CACNA1B: variants seen among roughly 807,000 people sequenced by gnomAD.
CACNA1B encodes the protein voltage-dependent N-type calcium channel subunit alpha-1B.
A neutral mutation model predicts 247.2 loss-of-function variants in CACNA1B; 70 were observed. The ratio of observed to expected loss-of-function variants is 0.28; its 90% CI spans 0.23 to 0.35. The LOEUF is 0.35. Among genes scored for constraint, CACNA1B ranks in the 10% least tolerant of loss-of-function variants. The pLI is 1.00. For synonymous variants in CACNA1B, 1,231 were observed against 1,294.4 expected, an observed-to-expected ratio of 0.95 and a Z score of 1.05; for missense variants, 2,367 against 3,197.4, an observed-to-expected ratio of 0.74 and a Z score of 6.26.
At chr9:137,993,339 C>CTAGA (rs1564226450) in intron 15 of CACNA1B, among the ~76,000 whole-genome samples, 6 of 82,308 alleles carry the variant, frequency 7.3e-5, no homozygotes, top group African/African-American at 2.2e-4. Flanking sequence ...TTTTGTCTAT[C>CTAGA]TAGATTAAAT....
At chr9:137,937,811 G>A (rs1006709252) in intron 6 of CACNA1B, among the ~76,000 whole-genome samples, 3 of 151,894 alleles carry the variant, frequency 2.0e-5, no homozygotes, top group African/African-American at 7.3e-5. Flanking sequence ...GCTGGGAATG[G>A]TGGTGCACGC....
chr9:137,902,839 G>A (rs563618832), intron 3 of CACNA1B, among the ~76,000 whole-genome samples: 2 of 152,152 alleles, frequency 1.3e-5, no homozygotes, highest in Admixed American at 6.5e-5. Flanking sequence ...AGGGCCCCAC[G>A]AGTGCTCACT....
At chr9:138,103,409 A>G (rs1961319806) in intron 38 of CACNA1B, among the ~76,000 whole-genome samples, 2 of 152,118 alleles carry the variant, frequency 1.3e-5, no homozygotes, top group Non-Finnish European at 2.9e-5. Context: ...GGTGCTGGGG[A>G]GAGGCATCTT....
At chr9:138,074,381 T>C (rs1378626239) in intron 34 of CACNA1B, among the ~76,000 whole-genome samples, 3 of 152,060 alleles carry the variant, frequency 2.0e-5, no homozygotes, top group Admixed American at 6.5e-5. Flanking sequence ...GCTGGGATTA[T>C]AGATGTGTGC....
chr9:138,040,689 CCT>C, intron 20 of CACNA1B: 1 of 224,608 alleles, frequency 4.5e-6, no homozygotes, highest in Non-Finnish European at 9.6e-6. Context: ...CCCGTTGTCT[CCT>C]TTTCACATTT....
At chr9:138,062,415 C>T (rs537490996) in intron 31 of CACNA1B, among the ~76,000 whole-genome samples, 79 of 152,282 alleles carry the variant, frequency 5.2e-4, no homozygotes, top group African/African-American at 1.8e-3. Flanking sequence ...AACAGAGGTG[C>T]GTGTCATGGG....
At chr9:138,115,760 C>A in intron 42 of CACNA1B, 81 bp downstream of exon 42, 4 of 1,429,632 alleles carry the variant, frequency 2.8e-6, no homozygotes, top group Non-Finnish European at 3.8e-6. Flanking sequence ...CCCATTTCCT[C>A]AACCTCCCTG....
At chr9:137,892,937 C>T (rs1957123457) in intron 3 of CACNA1B, among the ~76,000 whole-genome samples, 3 of 152,242 alleles carry the variant, frequency 2.0e-5, no homozygotes, top group South Asian at 2.1e-4. Context: ...GCTCCCAGAG[C>T]CCGACAGGCC....
chr9:138,110,118 C>CATAT lies in CACNA1B; in HGVS notation c.5429-2269_5429-2266dup, dbSNP rs148792012. Among the ~76,000 whole-genome samples the CATAT allele has an allele frequency of 0.014, 1,928 of 134,508 alleles. 70 individuals are homozygous for CATAT. In the East Asian group the frequency reaches 0.17, roughly 12 times the overall value. 88.2% of individuals were successfully genotyped at this position (134,508 alleles called of 152,430 possible). The stretch of plus-strand genomic sequence containing the variant: ...TTGCTATATGATATATATATATATA[C>CATAT]ATATATATATATATTTGAGACAGTC... On this transcript the variant is annotated intron_variant, in intron 39 of 46. Coordinates refer to ENST00000371372, the MANE Select transcript of CACNA1B (RefSeq NM_000718.4).
At chr9:138,087,496 C>G (rs1466635657) in intron 36 of CACNA1B, among the ~76,000 whole-genome samples, 2 of 144,606 alleles carry the variant, frequency 1.4e-5, no homozygotes, top group Non-Finnish European at 3.0e-5. Flanking sequence ...GTGGGTGGAT[C>G]ACGAGGTCAA....
In CACNA1B at chr9:138,049,796, C is replaced by T. The variant is rs557339378; in HGVS notation, c.3710+481C>T. 9.2e-5 allele frequency among the ~76,000 whole-genome samples: 14 copies of T among 152,322 alleles called. No individual in the cohort carries two copies. In the South Asian group the frequency reaches 2.3e-3, roughly 25 times the overall value. On this transcript the variant is annotated intron_variant, in intron 24 of 46. Transcript: ENST00000371372. ...CGCCTTCCCCTTTTGGGGCATTAGA[C>T]GTCTCCTCTGACTCCTGAGCCAGTG...
At chr9:138,023,841 G>A (rs1368428727) in intron 19 of CACNA1B, 30 bp downstream of exon 19, 2 of 1,135,878 alleles carry the variant, frequency 1.8e-6, no homozygotes, top group Middle Eastern at 2.4e-4. Flanking sequence ...GGGTCAGGGA[G>A]GGAAGGGTTG....
rs533332044 is a variant in CACNA1B at position 137,997,507 on chromosome 9, A to G, written c.1975-9260A>G. Among the ~76,000 whole-genome samples the G allele has an allele frequency of 2.6e-5, 4 of 152,356 alleles. No individual in the cohort carries two copies. In the South Asian group the frequency reaches 8.3e-4, roughly 32 times the overall value. ...GAAAATCAATTCTAGATAAATTAAA[A>G]GACAAATGATGTAGTATGAAAGGAC... On this transcript the variant is annotated intron_variant, in intron 15 of 46. Coordinates refer to ENST00000371372, the MANE Select transcript of CACNA1B (RefSeq NM_000718.4).
At position 138,112,425 on chromosome 9, in the gene CACNA1B, C is replaced by T. The variant is rs200917554; in HGVS notation, c.5456C>T (p.Ala1819Val). 58 of 1,613,432 alleles carry T rather than the reference C, an allele frequency of 3.6e-5. No homozygotes were observed. Among genetic ancestry groups the T allele is most frequent in the Admixed American group, 1.0e-4 (6 of 60,002 alleles). Residue 1819 changes from alanine to valine, a missense_variant, in exon 40 of 47, where the codon GCG (alanine) becomes GTG (valine). This residue lies in a region of CACNA1B where 773 missense variants were observed against 779.4 expected (regional missense o/e 0.99). Coordinates refer to ENST00000371372, the MANE Select transcript of CACNA1B (RefSeq NM_000718.4). ...GGGACAAAGCAGCATCAGTGTGACG[C>T]GGAGTTGAGGAAGGAGATTTCCGTT... ...PAGTKQHQCD[A>V]ELRKEISVVW...
intron 21 of CACNA1B, among the ~76,000 whole-genome samples, chr9:138,044,748 C>A (rs954305190): frequency 6.6e-6 from 1 of 152,232 alleles, no homozygotes; most frequent in Non-Finnish European, 1.5e-5. Context: ...TACCCCTGTT[C>A]GTTACCGATC....
chr9:138,079,942 A>G (rs982300010), intron 36 of CACNA1B, among the ~76,000 whole-genome samples: 19 of 151,976 alleles, frequency 1.3e-4, no homozygotes, highest in Admixed American at 1.3e-4. Context: ...CCCTTGGCAC[A>G]TCGTTCCTCC....
chr9:137,949,589 A>G (rs540496573), intron 6 of CACNA1B, among the ~76,000 whole-genome samples: 47 of 152,152 alleles, frequency 3.1e-4, no homozygotes, highest in South Asian at 8.3e-4. Context: ...ATGTGATCAC[A>G]GAGGCTGGCA....
Position 138,102,941 on chromosome 9 carries a change from C to T in CACNA1B, c.5319+134C>T. The T allele has an allele frequency of 1.7e-6, 1 of 587,882 alleles. No individual in the cohort carries two copies. Among genetic ancestry groups the T allele is most frequent in the East Asian group, 3.0e-5 (1 of 33,420 alleles). 36.4% of individuals were successfully genotyped at this position (587,882 alleles called of 1,614,324 possible). On this transcript the variant is annotated intron_variant, in intron 38 of 46. Transcript: ENST00000371372. The surrounding 1 kb of genome is among the most constrained non-coding windows in gnomAD (Gnocchi z 5.4). The stretch of plus-strand genomic sequence containing the variant: ...CTGCCGCTCTGCTGTGCGCCCCCGG[C>T]TGCCTCACTGTGTCTTTCTCTTCAG...
At chr9:138,022,963 G>A in intron 18 of CACNA1B, 48 bp from the exon 19 acceptor site, 1 of 1,448,854 alleles carries the variant, frequency 6.9e-7, no homozygotes, top group South Asian at 1.4e-5. Flanking sequence ...CTGGAGAGCG[G>A]CGGGCGGGCG....
Sources: allele counts gnomAD v4.1 joint callset (sites outside exome capture counted in the v4.1 genomes callset), GRCh38; gene constraint gnomAD v4.1.1; regional missense constraint gnomAD v4.1.1; non-coding constraint Gnocchi (gnomAD v3.1); transcripts MANE v1.5; gene names NCBI Gene and HGNC (gene_info 2026-07-23, HGNC 2026-07-21).